The following PPFIA2 variants were observed in gnomAD, a reference collection of about 807,000 sequenced individuals.
PPFIA2 encodes liprin-alpha-2.
In PPFIA2, 46 loss-of-function variants were observed where a neutral mutation model predicts 175.5. The ratio of observed to expected loss-of-function variants is 0.26; its 90% CI spans 0.21 to 0.34. The LOEUF is 0.34. Among genes scored for constraint, PPFIA2 ranks in the 10% least tolerant of loss-of-function variants. The probability of loss-of-function intolerance (pLI) is 1.00; values close to 1 mark genes in which losing one functional copy is unlikely to be tolerated. For synonymous variants in PPFIA2, 568 were observed against 511.4 expected, an observed-to-expected ratio of 1.11 and a Z score of -1.49; for missense variants, 1,179 against 1,506.1, an observed-to-expected ratio of 0.78 and a Z score of 3.60.
Position 81,572,979 on chromosome 12 carries a change from C to A in PPFIA2, c.303+103812G>T, listed in dbSNP as rs575681553. 4.2e-4 allele frequency among the ~76,000 whole-genome samples: 63 copies of A among 150,986 alleles called. 1 individual carries two copies. In the East Asian group the frequency reaches 0.01, roughly 24 times the overall value. ...GTGAGTGTAATTTATTTTAATGCAA[C>A]AAAGAAAGAAAAACACACAAGTGTA... On this transcript the variant is annotated intron_variant, in intron 4 of 32. Coordinates refer to ENST00000549396, the MANE Select transcript of PPFIA2 (RefSeq NM_003625.5).
chr12:81,543,252 T>C (rs1282688923), intron 4 of PPFIA2, among the ~76,000 whole-genome samples: 2 of 152,060 alleles, frequency 1.3e-5, no homozygotes, highest in Admixed American at 1.3e-4. Context: ...GCCTGGAACA[T>C]TTTGTAGTGC....
intron 4 of PPFIA2, among the ~76,000 whole-genome samples, chr12:81,594,952 G>A (rs138209275): frequency 6.6e-6 from 1 of 152,062 alleles, no homozygotes; most frequent in East Asian, 1.9e-4. Context: ...TTTCCCTGCT[G>A]TTGCTAGCAA....
intron 4 of PPFIA2, among the ~76,000 whole-genome samples, chr12:81,570,615 A>G (rs1032133308): frequency 1.3e-5 from 2 of 151,822 alleles, no homozygotes; most frequent in Non-Finnish European, 2.9e-5. Context: ...AAATTGAAGC[A>G]TTCTTTAACA....
chr12:81,347,842 A>C, intron 17 of PPFIA2, 72 bp from the exon 18 acceptor site: 1 of 1,541,752 alleles, frequency 6.5e-7, no homozygotes, highest in Non-Finnish European at 8.7e-7. Flanking sequence ...TGTAAGGATC[A>C]TTGGAATTCA....
At chr12:81,314,773 T>C (rs1334054892) in intron 22 of PPFIA2, among the ~76,000 whole-genome samples, 1 of 151,916 alleles carries the variant, frequency 6.6e-6, no homozygotes, top group African/African-American at 2.4e-5. Context: ...TTTGTAAAGT[T>C]CAAGTTGGTG....
intron 6 of PPFIA2, among the ~76,000 whole-genome samples, chr12:81,444,873 T>C (rs540937598): frequency 4.6e-5 from 7 of 152,126 alleles, no homozygotes; most frequent in Non-Finnish European, 1.0e-4. Context: ...TTTCACGAAA[T>C]TGAAATACGT....
intron 4 of PPFIA2, among the ~76,000 whole-genome samples, chr12:81,620,832 T>C (rs1215162449): frequency 1.3e-5 from 2 of 152,226 alleles, no homozygotes; most frequent in African/African-American, 4.8e-5. Flanking sequence ...TGACATCTTC[T>C]AAAATATTAA....
chr12:81,727,552 G>A (rs1206564195), intron 3 of PPFIA2, among the ~76,000 whole-genome samples: 2 of 151,246 alleles, frequency 1.3e-5, no homozygotes, highest in Admixed American at 6.6e-5. Flanking sequence ...GCATCTGAGA[G>A]CTTGTTAAAA....
chr12:81,415,710 A>T (rs2045110907), intron 7 of PPFIA2, among the ~76,000 whole-genome samples: 1 of 151,168 alleles, frequency 6.6e-6, no homozygotes. Flanking sequence ...TAGCAAAAAA[A>T]AAAAAATCAA....
intron 3 of PPFIA2, among the ~76,000 whole-genome samples, chr12:81,681,267 A>C (rs1356843906): frequency 1.3e-5 from 2 of 152,058 alleles, no homozygotes; most frequent in Non-Finnish European, 2.9e-5. Context: ...CATTTCAGAT[A>C]ATGAAAGCTT....
At chr12:81,543,776 T>C (rs374291715) in intron 4 of PPFIA2, among the ~76,000 whole-genome samples, 4 of 152,164 alleles carry the variant, frequency 2.6e-5, no homozygotes, top group African/African-American at 7.2e-5. Flanking sequence ...ATATGTAATA[T>C]TGACAGTATG....
rs1322610245 is a variant in PPFIA2, at chr12:81,384,028, T to C, written c.979A>G (p.Arg327Gly). The C allele has an allele frequency of 1.9e-6, 3 of 1,608,716 alleles. No homozygotes were observed. The highest frequency in any genetic ancestry group is 3.3e-5 in the Admixed American group (2 of 59,778). ...EMNTKYQRDIREAMAQKEDME... is the reference protein window; with the variant it reads ...EMNTKYQRDIGEAMAQKEDME... ...AAGTGGCATGAATCACTTACCTCCC[T>C]AATGTCCCTTTGATACTTGGTGTTC... The change falls in exon 9 of 33, where the codon AGG (arginine) becomes GGG (glycine). Residue 327 changes from arginine to glycine, a missense_variant. Around this residue, in one of 10 missense-constraint regions of PPFIA2, gnomAD observed 226 missense variants for 216.6 expected, o/e 1.04. Coordinates refer to ENST00000549396, the MANE Select transcript of PPFIA2 (RefSeq NM_003625.5).
At position 81,423,204 on chromosome 12, in the gene PPFIA2, T is replaced by C. The variant is rs145981873; in HGVS notation, c.645+16768A>G. Among the ~76,000 whole-genome samples the C allele has an allele frequency of 1.6e-3, 243 of 152,256 alleles. 2 individuals are homozygous for C. The highest frequency in any genetic ancestry group is 5.0e-3 in the African/African-American group (209 of 41,552). On this transcript the variant is annotated intron_variant, in intron 7 of 32. Transcript: ENST00000549396. ...TACCAAACACTGAAAGAGGAATTGA[T>C]ACCAACTCATCTTAAGCTCTTCCAA...
At chr12:81,469,168 T>C (rs1462319140) in intron 4 of PPFIA2, among the ~76,000 whole-genome samples, 2 of 152,262 alleles carry the variant, frequency 1.3e-5, no homozygotes, top group East Asian at 1.9e-4. Flanking sequence ...TGTCATTTAC[T>C]GTAGAGAAGG....
chr12:81,283,505 A>G (rs1355597147), intron 25 of PPFIA2, among the ~76,000 whole-genome samples: 1 of 152,084 alleles, frequency 6.6e-6, no homozygotes, highest in African/African-American at 2.4e-5. Context: ...ACAAAACAAG[A>G]CAAAAACCAA....
At chr12:81,324,874 G>A (rs148333028) in intron 22 of PPFIA2, among the ~76,000 whole-genome samples, 8 of 151,950 alleles carry the variant, frequency 5.3e-5, no homozygotes, top group Non-Finnish European at 1.2e-4. Context: ...GAGTTGTTCT[G>A]CAACTTGTAA....
At chr12:81,750,599 C>T (rs989942584) in intron 3 of PPFIA2, among the ~76,000 whole-genome samples, 3 of 152,036 alleles carry the variant, frequency 2.0e-5, no homozygotes, top group Admixed American at 6.6e-5. Flanking sequence ...AGCTAAGAAA[C>T]TTCAGGCCTG....
At chr12:81,572,114 T>G (rs1013174476) in intron 4 of PPFIA2, among the ~76,000 whole-genome samples, 3 of 152,070 alleles carry the variant, frequency 2.0e-5, no homozygotes, top group Non-Finnish European at 4.4e-5. Context: ...CTCCTTGCTT[T>G]GTTAGGACAT....
chr12:81,701,490 G>C (rs1435605984), intron 3 of PPFIA2, among the ~76,000 whole-genome samples: 1 of 152,112 alleles, frequency 6.6e-6, no homozygotes, highest in African/African-American at 2.4e-5. Flanking sequence ...GTAGAATTTA[G>C]GGGTTAGAGC....
Sources: gnomAD v4.1 joint callset for allele counts (sites outside exome capture counted in the v4.1 genomes callset) on GRCh38, gnomAD v4.1.1 for gene constraint, gnomAD v4.1.1 regional missense constraint, MANE v1.5 for transcripts, NCBI Gene and HGNC (gene_info 2026-07-23, HGNC 2026-07-21) for gene names.